Variants in COL14A1 observed in about 807,000 individuals in gnomAD.
COL14A1 encodes the protein collagen alpha-1(XIV) chain.
COL14A1 carries 136 observed loss-of-function variants against 230.3 expected under a neutral mutation model. That is an observed-to-expected ratio of 0.59 (90% CI 0.51 to 0.68). COL14A1 has a LOEUF of 0.68. COL14A1 is among the 30% of genes least tolerant of loss of function. The pLI, the probability that COL14A1 is intolerant of heterozygous loss-of-function variation, is 0.00. For synonymous variants in COL14A1, 792 were observed against 784.1 expected (o/e 1.01, Z -0.17); for missense variants, 1,976 against 2,215.8 (o/e 0.89, Z 2.17).
intron 31 of COL14A1, 61 bp downstream of exon 31, chr8:120,281,120 T>C: frequency 6.7e-7 from 1 of 1,482,216 alleles, no homozygotes; most frequent in Non-Finnish European, 9.2e-7. Flanking sequence ...ACTGTGAAAA[T>C]GATGTCAACT....
At position 120,371,134 on chromosome 8, in the gene COL14A1, CCCA is replaced by C; in HGVS notation, c.5312-16_5312-14del. 6.3e-7 allele frequency: 1 copy of C among 1,590,300 alleles called. No individual in the cohort carries two copies. Among genetic ancestry groups the C allele is most frequent in the Non-Finnish European group, 8.5e-7 (1 of 1,170,650 alleles). On this transcript the variant is annotated splice_polypyrimidine_tract_variant and intron_variant, in intron 47 of 47. Coordinates refer to ENST00000297848, the MANE Select transcript of COL14A1 (RefSeq NM_021110.4). Reference sequence around the variant, plus strand: ...TTCCTGGGTGCAGCAAGTCCCCACCCCCACTTTTCCTCTTTAGCTCCCCATCCA... The same window carrying C: ...TTCCTGGGTGCAGCAAGTCCCCACCCCTTTTCCTCTTTAGCTCCCCATCCA...
In COL14A1 at chr8:120,298,600, TATATATATATATATATATATATATA is replaced by T. The variant is rs1586842413; in HGVS notation, c.4314+1013_4314+1037del. Among the ~76,000 whole-genome samples the T allele has an allele frequency of 1.8e-4, 7 of 38,934 alleles. No individual in the cohort carries two copies. The East Asian group carries it at 3.3e-3, about 18-fold the overall frequency. The allele number at this position is 38,934 out of a possible 152,430, so 25.5% of individuals were successfully genotyped here. A position where few individuals can be genotyped will look rare whatever the true frequency, so the allele number is the denominator to read the frequency against. On this transcript the variant is annotated intron_variant, in intron 35 of 47. Transcript: ENST00000297848. The stretch of plus-strand genomic sequence containing the variant: ...GATGTGTGTATACCCATATATTTTA[TATATATATATATATATATATATATA>T]TATATATATATATACAAAAATACAG...
chr8:120,259,824 T>A (rs17236463), intron 23 of COL14A1, among the ~76,000 whole-genome samples: 20,218 of 152,064 alleles, frequency 0.13, 1,470 homozygotes, highest in Non-Finnish European at 0.16. Flanking sequence ...ATTCAGGAAA[T>A]GTTTGTATTA....
intron 9 of COL14A1, among the ~76,000 whole-genome samples, chr8:120,206,235 T>C (rs1182945942): frequency 6.6e-6 from 1 of 152,192 alleles, no homozygotes; most frequent in East Asian, 1.9e-4. Flanking sequence ...GATTTTCTCA[T>C]ATATGAAGTG....
intron 1 of COL14A1, among the ~76,000 whole-genome samples, chr8:120,135,742 A>G (rs1479916224): frequency 1.4e-4 from 21 of 151,754 alleles, no homozygotes; most frequent in Admixed American, 1.4e-3. Context: ...ACCCATGAAC[A>G]TGGTGCACTG....
At chr8:120,142,385 T>G (rs922069678) in intron 1 of COL14A1, among the ~76,000 whole-genome samples, 1 of 152,220 alleles carries the variant, frequency 6.6e-6, no homozygotes, top group Admixed American at 6.5e-5. Flanking sequence ...TCCACTAATC[T>G]TGTTTTACTT....
intron 19 of COL14A1, 41 bp downstream of exon 19, chr8:120,231,659 A>G: frequency 6.3e-7 from 1 of 1,592,172 alleles, no homozygotes; most frequent in Non-Finnish European, 8.6e-7. Flanking sequence ...TGCAGATGTT[A>G]CTAACACAGC....
intron 8 of COL14A1, 26 bp from the exon 9 acceptor site, chr8:120,203,683 A>G (rs774556026): frequency 1.2e-6 from 2 of 1,611,178 alleles, no homozygotes; most frequent in East Asian, 2.2e-5. Context: ...AAAAGTCACC[A>G]TTCTCTTTTT....
intron 5 of COL14A1, among the ~76,000 whole-genome samples, chr8:120,175,072 A>G (rs1054854164): frequency 6.6e-6 from 1 of 152,238 alleles, no homozygotes; most frequent in Non-Finnish European, 1.5e-5. Context: ...AGATACAATC[A>G]GACGTATTAT....
intron 34 of COL14A1, among the ~76,000 whole-genome samples, chr8:120,290,245 C>T (rs1820332688): frequency 6.6e-6 from 1 of 152,124 alleles, no homozygotes; most frequent in African/African-American, 2.4e-5. Flanking sequence ...CTAGGTTTTG[C>T]TATCACTAAT....
At chr8:120,341,428 A>C in intron 43 of COL14A1, 68 bp downstream of exon 43, 1 of 1,497,536 alleles carries the variant, frequency 6.7e-7, no homozygotes, top group Middle Eastern at 1.7e-4. Flanking sequence ...TAAGCCTGAT[A>C]AAGGATCATC....
Position 120,196,815 on chromosome 8 carries a change from C to T in COL14A1, c.461C>T (p.Pro154Leu). The T allele has an allele frequency of 6.2e-7, 1 of 1,613,778 alleles. No individual in the cohort carries two copies. The highest frequency in any genetic ancestry group is 8.5e-7 in the Non-Finnish European group (1 of 1,179,862). ...PEEVKFVCQT[P>L]AIADIVILVD... ...GAAGTGAAATTTGTCTGTCAAACTCCAGCAATTGCTGACATTGTAATCCTG... is the reference window on the plus strand; with the variant it reads ...GAAGTGAAATTTGTCTGTCAAACTCTAGCAATTGCTGACATTGTAATCCTG... The change falls in exon 6 of 48, where the codon CCA becomes CTA. Residue 154 changes from proline (P) to leucine (L), a missense_variant. Around this residue, in one of 3 missense-constraint regions of COL14A1, gnomAD observed 181 missense variants for 178.6 expected, o/e 1.01. Coordinates refer to ENST00000297848, the MANE Select transcript of COL14A1 (RefSeq NM_021110.4).
At chr8:120,249,145 C>T (rs1244580263) in intron 21 of COL14A1, among the ~76,000 whole-genome samples, 2 of 149,130 alleles carry the variant, frequency 1.3e-5, no homozygotes, top group East Asian at 2.0e-4. Flanking sequence ...GTCTCGATCT[C>T]CTGACCTCGT....
At chr8:120,142,959 G>A (rs182069065) in intron 1 of COL14A1, among the ~76,000 whole-genome samples, 40 of 152,168 alleles carry the variant, frequency 2.6e-4, no homozygotes, top group Non-Finnish European at 3.5e-4. Context: ...ATTTAACTAC[G>A]TGAGTCATGT....
At chr8:120,276,676 T>A (rs1018331143) in intron 26 of COL14A1, among the ~76,000 whole-genome samples, 2 of 151,568 alleles carry the variant, frequency 1.3e-5, no homozygotes, top group African/African-American at 4.8e-5. Context: ...TCATCCTTTT[T>A]TATGGCTGCA....
chr8:120,195,274 C>G (rs144664559), intron 5 of COL14A1, among the ~76,000 whole-genome samples: 1 of 151,876 alleles, frequency 6.6e-6, no homozygotes, highest in Admixed American at 6.6e-5. Context: ...GCATATTCAA[C>G]TTGTTTATGA....
chr8:120,350,500 T>G lies in COL14A1; in HGVS notation c.5077+4937T>G, dbSNP rs1366864643. Among the ~76,000 whole-genome samples the G allele has an allele frequency of 5.1e-3, 771 of 149,824 alleles. 7 individuals carry two copies. The highest frequency in any genetic ancestry group is 0.018 in the African/African-American group (736 of 40,004). On this transcript the variant is annotated intron_variant, in intron 45 of 47. Transcript: ENST00000297848. Reference sequence around the variant, plus strand: ...CTGTATTCAGGAAACCCATCTCACGTGCAGAGACATACATAGGCTCAAAAT... The same window carrying G: ...CTGTATTCAGGAAACCCATCTCACGGGCAGAGACATACATAGGCTCAAAAT...
At chr8:120,230,968 A>G (rs1289913792) in intron 18 of COL14A1, among the ~76,000 whole-genome samples, 2 of 152,206 alleles carry the variant, frequency 1.3e-5, no homozygotes. Context: ...TGAATGGATA[A>G]AGGCAGCCTG....
chr8:120,222,600 T>C (rs1817964921), intron 14 of COL14A1, among the ~76,000 whole-genome samples: 1 of 152,178 alleles, frequency 6.6e-6, no homozygotes. Flanking sequence ...CAATGACAGC[T>C]CTTTTTTCCA....
Sources: gnomAD v4.1 joint callset for allele counts (sites outside exome capture counted in the v4.1 genomes callset) on GRCh38, gnomAD v4.1.1 for gene constraint, gnomAD v4.1.1 regional missense constraint, MANE v1.5 for transcripts, NCBI Gene and HGNC (gene_info 2026-07-23, HGNC 2026-07-21) for gene names.